RGS6: variants seen among roughly 807,000 people sequenced by gnomAD.
RGS6 encodes the protein regulator of G protein signaling 6.
A neutral mutation model predicts 78.5 loss-of-function variants in RGS6; 30 were observed. The observed-to-expected ratio is 0.38, with a 90% CI of 0.29 to 0.52. RGS6 has a LOEUF of 0.52. Ranked by LOEUF, RGS6 falls within the 20% of genes least tolerant of loss-of-function variation. RGS6 has a pLI of 0.85. For missense variants in RGS6, 495 were observed against 609.7 expected (o/e 0.81, Z 1.98); for synonymous variants, 206 against 206.0 (o/e 1.00, Z 0.00).
At chr14:72,110,954 C>T (rs1402816311) in intron 2 of RGS6, among the ~76,000 whole-genome samples, 1 of 152,112 alleles carries the variant, frequency 6.6e-6, no homozygotes, top group African/African-American at 2.4e-5. Context: ...ATTGCACATA[C>T]CAACCAACTC....
At chr14:72,088,695 C>T (rs1407969987) in intron 2 of RGS6, among the ~76,000 whole-genome samples, 2 of 152,122 alleles carry the variant, frequency 1.3e-5, no homozygotes, top group African/African-American at 2.4e-5. Context: ...ATCCCCCCGT[C>T]GTTTCCCGTT....
intron 2 of RGS6, among the ~76,000 whole-genome samples, chr14:72,350,818 A>T (rs1827654802): frequency 6.6e-6 from 1 of 152,202 alleles, no homozygotes; most frequent in African/African-American, 2.4e-5. Flanking sequence ...AAAAATGGAG[A>T]TAATAGTAGA....
chr14:72,547,883 G>A (rs142673033), intron 17 of RGS6, among the ~76,000 whole-genome samples: 1,760 of 152,224 alleles, frequency 0.012, 22 homozygotes, highest in African/African-American at 0.032. Context: ...CCCCCGTGGC[G>A]GTCTGGCTTA....
At chr14:72,234,835 A>G (rs2050585906) in intron 2 of RGS6, among the ~76,000 whole-genome samples, 1 of 152,022 alleles carries the variant, frequency 6.6e-6, no homozygotes, top group South Asian at 2.1e-4. Context: ...TTTGCATCTC[A>G]CCACTTTATT....
intron 3 of RGS6, among the ~76,000 whole-genome samples, chr14:72,373,386 A>G (rs1018149892): frequency 6.6e-6 from 1 of 152,204 alleles, no homozygotes; most frequent in African/African-American, 2.4e-5. Context: ...AGCCATAACA[A>G]TACCCATTGG....
chr14:72,598,541 C>T, the RGS6 span, among the ~76,000 whole-genome samples: 824 of 152,348 alleles, frequency 5.4e-3, 12 homozygotes, highest in African/African-American at 0.019. Context: ...CTGCTCAAAG[C>T]GCCCCACTCG....
At chr14:71,877,689 A>G in the RGS6 span, among the ~76,000 whole-genome samples, 1 of 152,204 alleles carries the variant, frequency 6.6e-6, no homozygotes, top group Non-Finnish European at 1.5e-5. Context: ...TCAACTCATC[A>G]AAGTCGTTCT....
intron 2 of RGS6, among the ~76,000 whole-genome samples, chr14:72,068,787 G>T (rs891897527): frequency 8.6e-5 from 13 of 150,338 alleles, no homozygotes; most frequent in Admixed American, 6.6e-4. Context: ...GAGCCACTGC[G>T]CCCGGCCCAC....
At chr14:72,540,198 T>C in intron 17 of RGS6, 104 bp downstream of exon 17, 1 of 1,492,074 alleles carries the variant, frequency 6.7e-7, no homozygotes, top group South Asian at 1.2e-5. Context: ...TCCTTTGGGG[T>C]GGGAGGGAGT....
At chr14:71,868,564 A>G in the RGS6 span, among the ~76,000 whole-genome samples, 2 of 152,238 alleles carry the variant, frequency 1.3e-5, no homozygotes, top group Non-Finnish European at 2.9e-5. Context: ...TTGATAGGAC[A>G]TGTAATGAGG....
intron 2 of RGS6, among the ~76,000 whole-genome samples, chr14:72,257,487 C>A (rs1394364437): frequency 1.3e-5 from 2 of 151,942 alleles, no homozygotes; most frequent in African/African-American, 4.8e-5. Flanking sequence ...CACTGGGGAC[C>A]CCAAAAGTGA....
chr14:72,242,591 G>A lies in RGS6; in HGVS notation c.85-109504G>A, dbSNP rs973211655. Among the ~76,000 whole-genome samples, 28 of 152,010 alleles carry A rather than the reference G, an allele frequency of 1.8e-4. 1 individual carries two copies. Among genetic ancestry groups the A allele is most frequent in the Admixed American group, 1.2e-3 (18 of 15,254 alleles). On this transcript the variant is annotated intron_variant, in intron 2 of 17. Coordinates refer to ENST00000553525, the MANE Select transcript of RGS6 (RefSeq NM_001204424.2). Reference sequence around the variant, plus strand: ...ATTAGTAATAATGGTGTTTTCTGCCGTTTTTGACAGGTAAATTACCAGTAA... The same window carrying A: ...ATTAGTAATAATGGTGTTTTCTGCCATTTTTGACAGGTAAATTACCAGTAA...
At chr14:72,026,450 G>A (rs2089875630) in intron 2 of RGS6, among the ~76,000 whole-genome samples, 1 of 152,052 alleles carries the variant, frequency 6.6e-6, no homozygotes, top group Non-Finnish European at 1.5e-5. Context: ...TTTAAAATCT[G>A]TTCATTTGGT....
intron 2 of RGS6, among the ~76,000 whole-genome samples, chr14:72,317,358 CT>C (rs1423554586): frequency 1.3e-5 from 2 of 152,098 alleles, no homozygotes; most frequent in Non-Finnish European, 2.9e-5. Flanking sequence ...CTAGATTCAT[CT>C]TTTATGGTCC....
intron 2 of RGS6, among the ~76,000 whole-genome samples, chr14:72,132,260 A>G (rs1337214797): frequency 1.3e-5 from 2 of 150,422 alleles, no homozygotes; most frequent in Admixed American, 6.6e-5. Flanking sequence ...CTCATTTTGT[A>G]TGTATTCTTC....
the RGS6 span, among the ~76,000 whole-genome samples, chr14:72,582,043 G>A: frequency 1.3e-4 from 20 of 152,144 alleles, no homozygotes; most frequent in Admixed American, 7.2e-4. Context: ...GCTTTATATC[G>A]ACCTACTTTC....
intron 2 of RGS6, among the ~76,000 whole-genome samples, chr14:72,311,106 T>C (rs371247563): frequency 6.6e-6 from 1 of 152,238 alleles, no homozygotes; most frequent in Non-Finnish European, 1.5e-5. Flanking sequence ...ACCATTTTTT[T>C]AGTCCTAATT....
At chr14:72,573,885 T>C in the RGS6 span, among the ~76,000 whole-genome samples, 1 of 152,220 alleles carries the variant, frequency 6.6e-6, no homozygotes, top group Non-Finnish European at 1.5e-5. Flanking sequence ...GCTGATCTAT[T>C]GAGTGAAATG....
chr14:72,317,361 T>C (rs2070584920), intron 2 of RGS6, among the ~76,000 whole-genome samples: 1 of 152,184 alleles, frequency 6.6e-6, no homozygotes, highest in South Asian at 2.1e-4. Context: ...GATTCATCTT[T>C]TATGGTCCCT....
Sources: gnomAD v4.1 joint callset for allele counts (sites outside exome capture counted in the v4.1 genomes callset) on GRCh38, gnomAD v4.1.1 for gene constraint, MANE v1.5 for transcripts, NCBI Gene and HGNC (gene_info 2026-07-23, HGNC 2026-07-21) for gene names.